Variants in ROBO2 observed in about 807,000 individuals in gnomAD.
The protein encoded by ROBO2 is roundabout homolog 2.
ROBO2 carries 53 observed loss-of-function variants against 160.8 expected under a neutral mutation model. The observed-to-expected ratio is 0.33, with a 90% confidence interval of 0.26 to 0.41. The LOEUF (loss-of-function observed/expected upper bound fraction) is 0.41. Among genes scored for constraint, ROBO2 ranks in the 10% least tolerant of loss-of-function variants. ROBO2 has a pLI of 1.00. For synonymous variants in ROBO2, 664 were observed against 611.7 expected, an observed-to-expected ratio of 1.09 and a Z score of -1.26; for missense variants, 1,577 against 1,722.4, an observed-to-expected ratio of 0.92 and a Z score of 1.49.
intron 11 of ROBO2, among the ~76,000 whole-genome samples, chr3:77,563,799 T>A (rs2093404075): frequency 6.6e-6 from 1 of 152,128 alleles, no homozygotes; most frequent in South Asian, 2.1e-4. Context: ...ATCTATTAGA[T>A]ATGCCTGAGA....
At chr3:77,102,036 T>C (rs1175672736) in intron 2 of ROBO2, among the ~76,000 whole-genome samples, 1 of 152,090 alleles carries the variant, frequency 6.6e-6, no homozygotes, top group Admixed American at 6.6e-5. Context: ...TGAAACCCTA[T>C]CTCAAACAAA....
intron 5 of ROBO2, among the ~76,000 whole-genome samples, chr3:77,497,796 T>C (rs1197469362): frequency 6.6e-6 from 1 of 152,098 alleles, no homozygotes; most frequent in Admixed American, 6.5e-5. Flanking sequence ...CATAGGTTTA[T>C]TGTATATTTT....
chr3:76,193,885 G>T (rs1470897200), intron 2 of ROBO2, among the ~76,000 whole-genome samples: 1 of 152,004 alleles, frequency 6.6e-6, no homozygotes, highest in Non-Finnish European at 1.5e-5. Flanking sequence ...TCTATTTTCA[G>T]AATTAAGACT....
In ROBO2 at chr3:77,068,888, A is replaced by T. The variant is rs549116612; in HGVS notation, c.61+28042A>T. Among the ~76,000 whole-genome samples, 6 of 152,172 alleles carry T rather than the reference A, an allele frequency of 3.9e-5. No individual in the cohort carries two copies. The South Asian group carries it at 6.2e-4, about 16-fold the overall frequency. The stretch of plus-strand genomic sequence containing the variant: ...TTTTGTGATCCGCAAACTATAATAA[A>T]TTTTTTTACATTTTTAAGTCATTAG... On this transcript the variant is annotated intron_variant, in intron 1 of 25. Transcript: ENST00000461745.
At chr3:76,248,098 C>T (rs1705735639) in intron 2 of ROBO2, among the ~76,000 whole-genome samples, 1 of 151,914 alleles carries the variant, frequency 6.6e-6, no homozygotes, top group Non-Finnish European at 1.5e-5. Flanking sequence ...CCTCAGGGAT[C>T]TAGAACAAGA....
intron 2 of ROBO2, among the ~76,000 whole-genome samples, chr3:77,332,753 A>G (rs2066105157): frequency 6.6e-6 from 1 of 152,224 alleles, no homozygotes; most frequent in South Asian, 2.1e-4. Context: ...TATAATAAAA[A>G]CAGATAATGT....
intron 2 of ROBO2, among the ~76,000 whole-genome samples, chr3:76,998,046 T>G (rs2061122621): frequency 6.6e-6 from 1 of 152,136 alleles, no homozygotes; most frequent in Non-Finnish European, 1.5e-5. Flanking sequence ...TGCACTGTAT[T>G]CTATTGGCCA....
chr3:76,368,457 A>G (rs917226471), intron 2 of ROBO2, among the ~76,000 whole-genome samples: 5 of 151,912 alleles, frequency 3.3e-5, no homozygotes, highest in African/African-American at 4.8e-5. Flanking sequence ...AAGAAATAAT[A>G]CAGAAGGTTG....
chr3:77,264,629 T>C (rs1179224367), intron 2 of ROBO2, among the ~76,000 whole-genome samples: 1 of 152,180 alleles, frequency 6.6e-6, no homozygotes, highest in African/African-American at 2.4e-5. Flanking sequence ...GAGTCAATAG[T>C]ATTTTTGTTT....
chr3:76,476,590 G>C (rs1277583964), intron 2 of ROBO2, among the ~76,000 whole-genome samples: 3 of 152,124 alleles, frequency 2.0e-5, no homozygotes, highest in Non-Finnish European at 4.4e-5. Context: ...TCACTCCTCT[G>C]TTCCTGCGCT....
At chr3:76,003,331 G>T (rs191698505) in intron 2 of ROBO2, among the ~76,000 whole-genome samples, 1 of 152,152 alleles carries the variant, frequency 6.6e-6, no homozygotes, top group Admixed American at 6.5e-5. Context: ...AATTTATACT[G>T]TCATAGATTA....
intron 2 of ROBO2, among the ~76,000 whole-genome samples, chr3:76,873,784 G>C (rs2072397848): frequency 6.6e-6 from 1 of 151,376 alleles, no homozygotes; most frequent in Admixed American, 6.6e-5. Context: ...CATGAAATTT[G>C]CTCATTTGAC....
chr3:76,103,400 A>C (rs763120957), intron 2 of ROBO2, among the ~76,000 whole-genome samples: 2 of 152,216 alleles, frequency 1.3e-5, no homozygotes, highest in Non-Finnish European at 2.9e-5. Context: ...GTTTTAAAAT[A>C]GGTTTCTAAC....
At chr3:76,151,864 G>T (rs965470420) in intron 2 of ROBO2, among the ~76,000 whole-genome samples, 3 of 152,064 alleles carry the variant, frequency 2.0e-5, no homozygotes, top group Admixed American at 6.6e-5. Flanking sequence ...GCAGTTACTT[G>T]TGAATTCTCA....
chr3:76,487,937 G>GC (rs2079588847), intron 2 of ROBO2, among the ~76,000 whole-genome samples: 1 of 152,108 alleles, frequency 6.6e-6, no homozygotes, highest in Non-Finnish European at 1.5e-5. Flanking sequence ...GCCTGCAAAG[G>GC]TAGTTATACA....
At chr3:76,890,140 A>G (rs1577284704) in intron 2 of ROBO2, among the ~76,000 whole-genome samples, 2 of 152,162 alleles carry the variant, frequency 1.3e-5, no homozygotes, top group Non-Finnish European at 2.9e-5. Context: ...TGCGTTTGGA[A>G]CAGACTGTGG....
At chr3:77,518,559 G>A (rs1224616446) in intron 5 of ROBO2, among the ~76,000 whole-genome samples, 1 of 151,380 alleles carries the variant, frequency 6.6e-6, no homozygotes, top group African/African-American at 2.4e-5. Context: ...ATGGCCCTGG[G>A]AAATGTGTGT....
chr3:77,324,690 G>C (rs1444228283), intron 2 of ROBO2, among the ~76,000 whole-genome samples: 2 of 151,140 alleles, frequency 1.3e-5, no homozygotes, highest in African/African-American at 2.4e-5. Context: ...GCTGAGGCAG[G>C]AGAATGGCGT....
At chr3:76,911,108 A>C (rs749505998) in intron 2 of ROBO2, among the ~76,000 whole-genome samples, 10 of 152,332 alleles carry the variant, frequency 6.6e-5, no homozygotes, top group South Asian at 4.1e-4. Context: ...GCAGGAACTT[A>C]TTTTAAGAAA....
Sources: allele counts gnomAD v4.1 joint callset (sites outside exome capture counted in the v4.1 genomes callset), GRCh38; gene constraint gnomAD v4.1.1; transcripts MANE v1.5; gene names NCBI Gene and HGNC (gene_info 2026-07-23, HGNC 2026-07-21).